SOS2: variants seen among roughly 807,000 people sequenced by gnomAD.
SOS2 encodes SOS Ras/Rho guanine nucleotide exchange factor 2, also known as son of sevenless homolog 2.
A neutral mutation model predicts 148.2 loss-of-function variants in SOS2; 65 were observed. The ratio of observed to expected loss-of-function variants is 0.44; its 90% CI spans 0.36 to 0.54. SOS2 has a LOEUF of 0.54. Ranked by LOEUF, SOS2 falls within the 20% of genes least tolerant of loss-of-function variation. The pLI is 0.00. For missense variants in SOS2, 1,341 were observed against 1,590.2 expected (o/e 0.84, Z 2.67); for synonymous variants, 539 against 537.1 (o/e 1.00, Z -0.05).
rs1884949893 is a variant in SOS2, at chr14:50,160,192, T to C, written c.1197-106A>G. ...AGTAAAATATTAAATAACCAAACAG[T>C]AGCTTTTACGCACAGCATTTAGTTC... is the stretch of plus-strand genomic sequence containing the variant. On this transcript the variant is annotated intron_variant, in intron 9 of 22. Coordinates refer to ENST00000216373, the MANE Select transcript of SOS2 (RefSeq NM_006939.4). 7 of 820,140 alleles carry C rather than the reference T, an allele frequency of 8.5e-6. No individual in the cohort carries two copies. In the African/African-American group the frequency reaches 9.3e-5, roughly 11 times the overall value. The allele number at this position is 820,140 out of a possible 1,614,324, so 50.8% of individuals were successfully genotyped here.
At chr14:50,159,250 T>C (rs1048861311) in intron 10 of SOS2, among the ~76,000 whole-genome samples, 181 bp downstream of exon 10, 1 of 152,320 alleles carries the variant, frequency 6.6e-6, no homozygotes, top group Admixed American at 6.5e-5. Context: ...ATTAATGAAG[T>C]TAACAATATT....
At chr14:50,181,732 A>G (rs1301547923) in intron 6 of SOS2, among the ~76,000 whole-genome samples, 1 of 152,110 alleles carries the variant, frequency 6.6e-6, no homozygotes, top group Non-Finnish European at 1.5e-5. Flanking sequence ...GTATGTATGC[A>G]CAGAAATATA....
chr14:50,218,428 TG>T (rs1887101432), intron 1 of SOS2, among the ~76,000 whole-genome samples: 1 of 150,012 alleles, frequency 6.7e-6, no homozygotes, highest in Non-Finnish European at 1.5e-5. Flanking sequence ...GAGGCTGAGG[TG>T]AAAGAATCGC....
intron 21 of SOS2, 68 bp downstream of exon 21, chr14:50,129,893 C>A: frequency 2.1e-6 from 2 of 960,024 alleles, no homozygotes; most frequent in South Asian, 1.5e-5. Context: ...TCAAAATACT[C>A]AAATATAATC....
intron 1 of SOS2, among the ~76,000 whole-genome samples, chr14:50,223,827 T>TGG (rs1245129599): frequency 1.3e-5 from 2 of 152,134 alleles, no homozygotes; most frequent in African/African-American, 2.4e-5. Context: ...CACTCCATCC[T>TGG]GGGTGACAGA....
At chr14:50,227,243 C>CTTTTTTTTTTTTTTT (rs374477701) in intron 1 of SOS2, among the ~76,000 whole-genome samples, 25 of 112,646 alleles carry the variant, frequency 2.2e-4, no homozygotes, top group Non-Finnish European at 3.1e-4. Flanking sequence ...TTCTTTCTTT[C>CTTTTTTTTTTTTTTT]TTTCTTTTTT....
intron 8 of SOS2, among the ~76,000 whole-genome samples, chr14:50,162,601 T>C (rs935238608): frequency 6.6e-6 from 1 of 152,230 alleles, no homozygotes; most frequent in African/African-American, 2.4e-5. Context: ...ATCTTTGTTA[T>C]ATAACATAAT....
At chr14:50,136,240 CTATT>C (rs1489623292) in intron 18 of SOS2, among the ~76,000 whole-genome samples, 6 of 152,158 alleles carry the variant, frequency 3.9e-5, no homozygotes, top group South Asian at 2.1e-4. Flanking sequence ...ATTTTAAATA[CTATT>C]TATTTAAGTA....
intron 8 of SOS2, among the ~76,000 whole-genome samples, chr14:50,165,517 C>T (rs1213258953): frequency 2.0e-5 from 3 of 152,138 alleles, no homozygotes; most frequent in Non-Finnish European, 4.4e-5. Flanking sequence ...TTTTTTTCTG[C>T]CTTCCCTAAG....
At chr14:50,140,662 G>A (rs568417236) in intron 16 of SOS2, among the ~76,000 whole-genome samples, 1 of 152,192 alleles carries the variant, frequency 6.6e-6, no homozygotes, top group South Asian at 2.1e-4. Flanking sequence ...GTATAACATT[G>A]TAGCTTTTAT....
In SOS2 at chr14:50,145,194, T is replaced by C. The variant is rs1329137002; in HGVS notation, c.2643A>G (p.Val881=). The part of the protein sequence containing the change: ...EIVSAVNSVS[V]YRLDHTFEAL... Reference sequence around the variant, plus strand: ...CCTCAAAGGTATGGTCTAGTCTGTATACTGACACTGAATTTACTGCACTGA... The same window carrying C: ...CCTCAAAGGTATGGTCTAGTCTGTACACTGACACTGAATTTACTGCACTGA... Residue 881 remains valine (V), a synonymous_variant, in exon 16 of 23, where the codon GTA becomes GTG. Transcript: ENST00000216373. 6.8e-6 allele frequency: 11 copies of C among 1,609,700 alleles called. No homozygotes were observed. The highest frequency in any genetic ancestry group is 3.4e-5 in the Admixed American group (2 of 59,394).
intron 8 of SOS2, among the ~76,000 whole-genome samples, chr14:50,164,801 A>G (rs536749464): frequency 6.6e-6 from 1 of 152,316 alleles, no homozygotes; most frequent in African/African-American, 2.4e-5. Flanking sequence ...CCTCTTGAAG[A>G]TGCCTTCTGA....
chr14:50,147,188 C>T (rs1001172397), intron 14 of SOS2, among the ~76,000 whole-genome samples: 4 of 151,542 alleles, frequency 2.6e-5, no homozygotes, highest in African/African-American at 9.7e-5. Context: ...AGAGTGAGAC[C>T]CCATCTTAAA....
rs2139702095 is a variant in SOS2, at chr14:50,180,592, C to T, written c.949G>A (p.Ala317Thr). 2 of 1,534,366 alleles carry T rather than the reference C, an allele frequency of 1.3e-6. No individual in the cohort carries two copies. The highest frequency in any genetic ancestry group is 1.8e-6 in the Non-Finnish European group (2 of 1,128,030). The change falls in exon 7 of 23, where the codon GCA becomes ACA. Residue 317 changes from alanine (A) to threonine (T), a missense_variant. Around this residue, in one of 4 missense-constraint regions of SOS2, gnomAD observed 574 missense variants for 711.1 expected, o/e 0.81. Transcript: ENST00000216373. ...EHFNKLMARP[A>T]VALHFQSIAD... ...TTTACCTGAAAGTGTAGAGCAACTG[C>T]AGGTCTGGCCATCAATTTATTGAAA...
intron 14 of SOS2, among the ~76,000 whole-genome samples, chr14:50,147,204 AAAC>A (rs551631123): frequency 6.6e-6 from 1 of 151,778 alleles, no homozygotes; most frequent in African/African-American, 2.4e-5. Flanking sequence ...TTAAACAAAC[AAAC>A]AACAACAACA....
chr14:50,158,567 T>C lies in SOS2; in HGVS notation c.1932A>G (p.Glu644=), dbSNP rs758407010. The change falls in exon 11 of 23, where the codon GAA becomes GAG. Residue 644 remains glutamate (E), a splice_region_variant and synonymous_variant. Coordinates refer to ENST00000216373, the MANE Select transcript of SOS2 (RefSeq NM_006939.4). ...ACTGAAATACATATTTTTCTTACCG[T>C]TCAATCAGTAAGCTCAGCAATTCCT... is the stretch of plus-strand genomic sequence containing the variant. ...KPQELLSLLI[E]RFEIPEPEPT... The C allele has an allele frequency of 5.7e-6, 9 of 1,574,586 alleles. No individual in the cohort carries two copies. The South Asian group carries it at 1.0e-4, about 18-fold the overall frequency.
At chr14:50,172,087 T>C (rs1166987870) in intron 8 of SOS2, among the ~76,000 whole-genome samples, 2 of 152,244 alleles carry the variant, frequency 1.3e-5, no homozygotes, top group African/African-American at 4.8e-5. Flanking sequence ...CCTAACAGAA[T>C]GCAAATAGTT....
At chr14:50,222,560 T>C (rs1566487083) in intron 1 of SOS2, among the ~76,000 whole-genome samples, 1 of 152,168 alleles carries the variant, frequency 6.6e-6, no homozygotes, top group Non-Finnish European at 1.5e-5. Flanking sequence ...GAAAATGATG[T>C]CTGACTATAA....
chr14:50,170,930 T>C (rs191869353), intron 8 of SOS2, among the ~76,000 whole-genome samples: 12 of 150,526 alleles, frequency 8.0e-5, no homozygotes, highest in Admixed American at 2.0e-4. Context: ...CTGGCCAACA[T>C]AGTGAAACCC....
Sources: allele counts gnomAD v4.1 joint callset (sites outside exome capture counted in the v4.1 genomes callset), GRCh38; gene constraint gnomAD v4.1.1; regional missense constraint gnomAD v4.1.1; transcripts MANE v1.5; gene names NCBI Gene and HGNC (gene_info 2026-07-23, HGNC 2026-07-21).